Variants in ITPR1 observed in about 807,000 individuals in gnomAD.
ITPR1 encodes the protein inositol 1,4,5-trisphosphate receptor type 1.
ITPR1 carries 96 observed loss-of-function variants against 318.4 expected under a neutral mutation model. That is an observed-to-expected ratio of 0.30 (90% CI 0.26 to 0.36). The LOEUF is 0.36. ITPR1 is among the 10% of genes least tolerant of loss of function. The pLI is 1.00. For missense variants in ITPR1, 2,440 were observed against 3,460.2 expected (o/e 0.71, Z 7.40); for synonymous variants, 1,312 against 1,289.9 (o/e 1.02, Z -0.37).
intron 4 of ITPR1, among the ~76,000 whole-genome samples, chr3:4,541,702 T>G (rs1276581046): frequency 6.6e-6 from 1 of 152,060 alleles, no homozygotes; most frequent in Non-Finnish European, 1.5e-5. Flanking sequence ...CTCGGCTCAC[T>G]GCAACCTCCG....
At chr3:4,825,280 A>G (rs1046475710) in intron 60 of ITPR1, among the ~76,000 whole-genome samples, 3 of 152,168 alleles carry the variant, frequency 2.0e-5, no homozygotes, top group Non-Finnish European at 4.4e-5. Context: ...GAAACTAGCT[A>G]TACAGGATCC....
At chr3:4,569,472 G>C (rs73807295) in intron 4 of ITPR1, among the ~76,000 whole-genome samples, 1 of 152,042 alleles carries the variant, frequency 6.6e-6, no homozygotes, top group African/African-American at 2.4e-5. Context: ...AATATTGAGC[G>C]TCAACAAACA....
intron 10 of ITPR1, among the ~76,000 whole-genome samples, chr3:4,648,694 C>G (rs2093523651): frequency 6.6e-6 from 1 of 152,128 alleles, no homozygotes; most frequent in Admixed American, 6.5e-5. Flanking sequence ...TCTATAATCC[C>G]AGCTACTCGG....
chr3:4,612,516 C>G (rs1408477109), intron 4 of ITPR1, among the ~76,000 whole-genome samples: 1 of 151,842 alleles, frequency 6.6e-6, no homozygotes, highest in African/African-American at 2.4e-5. Context: ...TTCTATATCC[C>G]CCCACTTCTG....
chr3:4,595,512 A>G (rs753543021), intron 4 of ITPR1, among the ~76,000 whole-genome samples: 4 of 152,250 alleles, frequency 2.6e-5, no homozygotes, highest in Non-Finnish European at 5.9e-5. Flanking sequence ...ACAATTCCAC[A>G]TGAGATTTGG....
Position 4,818,372 on chromosome 3 carries a change from G to GGA in ITPR1, c.8028+131_8028+132dup, listed in dbSNP as rs2049444164. 6 of 662,054 alleles carry GGA rather than the reference G, an allele frequency of 9.1e-6. No individual in the cohort carries two copies. The South Asian group carries it at 2.0e-4, about 22-fold the overall frequency. The allele number at this position is 662,054 out of a possible 1,614,324, so 41.0% of individuals were successfully genotyped here. On this transcript the variant is annotated intron_variant, in intron 60 of 61. Transcript: ENST00000649015. Reference sequence around the variant, plus strand: ...CCGATGTTGCCTGAGCCCTTCTCACGGATGGGGCGCTGTGCTCTGTGAACT... The same window carrying GGA: ...CCGATGTTGCCTGAGCCCTTCTCACGGAGATGGGGCGCTGTGCTCTGTGAACT...
At chr3:4,656,111 C>T (rs990531845) in intron 12 of ITPR1, among the ~76,000 whole-genome samples, 1 of 152,198 alleles carries the variant, frequency 6.6e-6, no homozygotes, top group African/African-American at 2.4e-5. Context: ...AAAGGACCAC[C>T]AGAGGCTCCC....
chr3:4,544,046 C>A (rs2084729859), intron 4 of ITPR1, among the ~76,000 whole-genome samples: 1 of 146,364 alleles, frequency 6.8e-6, no homozygotes, highest in Non-Finnish European at 1.5e-5. Context: ...CATTCCTGTT[C>A]CTTTTTTTTT....
chr3:4,620,259 A>G (rs2092575378), intron 4 of ITPR1, among the ~76,000 whole-genome samples: 1 of 152,154 alleles, frequency 6.6e-6, no homozygotes, highest in South Asian at 2.1e-4. Context: ...TCAGTTTTAC[A>G]TGCCTTCGTT....
At chr3:4,845,625 A>G (rs2051707538) in intron 61 of ITPR1, among the ~76,000 whole-genome samples, 2 of 151,104 alleles carry the variant, frequency 1.3e-5, no homozygotes, top group Admixed American at 6.7e-5. Context: ...ATTTGAGAAC[A>G]TTTCTCATTT....
intron 4 of ITPR1, among the ~76,000 whole-genome samples, chr3:4,530,554 C>T (rs1008242018): frequency 2.6e-5 from 4 of 152,112 alleles, no homozygotes; most frequent in East Asian, 1.9e-4. Context: ...GAGGCCAAGG[C>T]GGGAGGATGG....
intron 4 of ITPR1, among the ~76,000 whole-genome samples, chr3:4,609,051 A>AATACAT (rs1553643410): frequency 2.1e-5 from 1 of 46,542 alleles, no homozygotes; most frequent in Admixed American, 3.8e-4. Context: ...ACAACAACGA[A>AATACAT]ATATATATAT....
intron 41 of ITPR1, among the ~76,000 whole-genome samples, chr3:4,725,974 T>C (rs1225261082): frequency 6.6e-6 from 1 of 152,226 alleles, no homozygotes; most frequent in Non-Finnish European, 1.5e-5. Flanking sequence ...TAATAAAGAA[T>C]ATTTATAATT....
chr3:4,680,222 C>T lies in ITPR1; in HGVS notation c.2968-331C>T, dbSNP rs1193749513. On this transcript the variant is annotated intron_variant, in intron 24 of 61. Transcript: ENST00000649015. ...TTTTCAGTGTTAGGCCCAGAGTTGA[C>T]ATTCAATACTTACTGAAATGGAGTC... Among the ~76,000 whole-genome samples, 4 of 152,136 alleles carry T rather than the reference C, an allele frequency of 2.6e-5. No individual in the cohort carries two copies. In the East Asian group the frequency reaches 7.7e-4, roughly 29 times the overall value.
chr3:4,556,439 C>T (rs2086135059), intron 4 of ITPR1, among the ~76,000 whole-genome samples: 1 of 152,108 alleles, frequency 6.6e-6, no homozygotes, highest in African/African-American at 2.4e-5. Context: ...TTTCACTGCC[C>T]TAAGAATCTC....
At chr3:4,579,856 T>A (rs988987040) in intron 4 of ITPR1, among the ~76,000 whole-genome samples, 1 of 152,196 alleles carries the variant, frequency 6.6e-6, no homozygotes, top group Admixed American at 6.5e-5. Context: ...TCCAGGCATA[T>A]TATATCTGTA....
At chr3:4,552,728 C>T (rs1281402322) in intron 4 of ITPR1, among the ~76,000 whole-genome samples, 1 of 152,170 alleles carries the variant, frequency 6.6e-6, no homozygotes, top group African/African-American at 2.4e-5. Flanking sequence ...AGCCTCTCTT[C>T]CCTCTCCTCT....
intron 10 of ITPR1, among the ~76,000 whole-genome samples, chr3:4,650,645 G>A (rs748225904): frequency 0.066 from 3,405 of 51,804 alleles, 151 homozygotes; most frequent in African/African-American, 0.14. Flanking sequence ...GTGTGTGTGT[G>A]CGCGCGTCTG....
At chr3:4,624,759 C>T (rs138229537) in intron 4 of ITPR1, among the ~76,000 whole-genome samples, 1 of 151,756 alleles carries the variant, frequency 6.6e-6, no homozygotes, top group Non-Finnish European at 1.5e-5. Flanking sequence ...TCATTAACAC[C>T]TTGAAACACA....
Sources: allele counts gnomAD v4.1 joint callset (sites outside exome capture counted in the v4.1 genomes callset), GRCh38; gene constraint gnomAD v4.1.1; transcripts MANE v1.5; gene names NCBI Gene and HGNC (gene_info 2026-07-23, HGNC 2026-07-21).